The following MGAT4C variants were observed in gnomAD, a reference collection of about 807,000 sequenced individuals.
The protein encoded by MGAT4C is alpha-1,3-mannosyl-glycoprotein 4-beta-N-acetylglucosaminyltransferase C.
A neutral mutation model predicts 40.1 loss-of-function variants in MGAT4C; 19 were observed. That is an observed-to-expected ratio of 0.47 (90% CI 0.33 to 0.70). The LOEUF is 0.70. Ranked by LOEUF, MGAT4C falls within the 30% of genes least tolerant of loss-of-function variation. MGAT4C has a pLI of 0.02. For synonymous variants in MGAT4C, 181 were observed against 187.1 expected, an observed-to-expected ratio of 0.97 and a Z score of 0.27; for missense variants, 491 against 563.2, an observed-to-expected ratio of 0.87 and a Z score of 1.30.
intron 1 of MGAT4C, among the ~76,000 whole-genome samples, chr12:86,136,946 A>G (rs1430599446): frequency 2.0e-5 from 3 of 152,104 alleles, no homozygotes; most frequent in Non-Finnish European, 4.4e-5. Flanking sequence ...TCGGCCTCCC[A>G]AAGTGCTGGG....
chr12:86,022,718 A>G (rs1565873007), intron 2 of MGAT4C, among the ~76,000 whole-genome samples: 1 of 152,172 alleles, frequency 6.6e-6, no homozygotes, highest in East Asian at 1.9e-4. Flanking sequence ...CTAAAATAAA[A>G]TAAGTCCCTG....
At chr12:86,351,929 T>C (rs965645454) in intron 3 of MGAT4C, among the ~76,000 whole-genome samples, 2 of 152,034 alleles carry the variant, frequency 1.3e-5, no homozygotes, top group Non-Finnish European at 2.9e-5. Context: ...AGAGTTACAT[T>C]AGGATAGTTG....
intron 2 of MGAT4C, among the ~76,000 whole-genome samples, chr12:86,698,933 A>T (rs1950307824): frequency 6.6e-6 from 1 of 152,168 alleles, no homozygotes; most frequent in Admixed American, 6.6e-5. Flanking sequence ...ACATGCAAGG[A>T]AAAAGAGGCA....
intron 2 of MGAT4C, among the ~76,000 whole-genome samples, chr12:86,456,622 G>C (rs1766936048): frequency 6.6e-6 from 1 of 152,012 alleles, no homozygotes; most frequent in Non-Finnish European, 1.5e-5. Flanking sequence ...ACTAGAGGCA[G>C]ATTTTAATCT....
At chr12:86,061,472 TTG>T (rs1277228172) in intron 1 of MGAT4C, among the ~76,000 whole-genome samples, 37 of 59,610 alleles carry the variant, frequency 6.2e-4, no homozygotes, top group Middle Eastern at 0.025. Flanking sequence ...AGTTTTTTTT[TTG>T]TTTTTTTTTT....
At chr12:86,153,994 A>T (rs952037341) in intron 1 of MGAT4C, among the ~76,000 whole-genome samples, 3 of 152,330 alleles carry the variant, frequency 2.0e-5, no homozygotes, top group Admixed American at 6.5e-5. Flanking sequence ...CATTTCAGGG[A>T]TGTAGAACAT....
chr12:86,042,888 A>G (rs1350692192), intron 2 of MGAT4C, among the ~76,000 whole-genome samples: 2 of 146,770 alleles, frequency 1.4e-5, no homozygotes, highest in Non-Finnish European at 3.0e-5. Context: ...AAAAAAAAAA[A>G]GAATGCTGAA....
At chr12:86,510,412 C>T (rs563265472) in intron 2 of MGAT4C, among the ~76,000 whole-genome samples, 1 of 152,258 alleles carries the variant, frequency 6.6e-6, no homozygotes, top group East Asian at 1.9e-4. Context: ...ACCATCGAGG[C>T]TAGGAAGAAA....
At chr12:85,988,427 ACTCT>A (rs1359362916) in intron 3 of MGAT4C, among the ~76,000 whole-genome samples, 3 of 151,858 alleles carry the variant, frequency 2.0e-5, no homozygotes, top group Non-Finnish European at 4.4e-5. Context: ...TTTTGGAAAT[ACTCT>A]CTCTCTTGTT....
chr12:86,006,352 AT>A (rs1293354257), intron 2 of MGAT4C, among the ~76,000 whole-genome samples: 1 of 152,054 alleles, frequency 6.6e-6, no homozygotes, highest in East Asian at 1.9e-4. Context: ...TTTTTTGTTA[AT>A]TTTCATAGAA....
chr12:86,569,115 ATAGTC>A (rs1302438307), intron 2 of MGAT4C, among the ~76,000 whole-genome samples: 2 of 152,062 alleles, frequency 1.3e-5, no homozygotes, highest in Non-Finnish European at 2.9e-5. Flanking sequence ...CTTCAGGAGA[ATAGTC>A]TAGGCAAAGG....
At chr12:86,704,597 A>G (rs1950423670) in intron 2 of MGAT4C, among the ~76,000 whole-genome samples, 1 of 152,170 alleles carries the variant, frequency 6.6e-6, no homozygotes, top group African/African-American at 2.4e-5. Context: ...AAGGTCTTGA[A>G]GCACCTATTA....
intron 1 of MGAT4C, among the ~76,000 whole-genome samples, chr12:86,064,402 T>C (rs1397987038): frequency 6.6e-6 from 1 of 151,768 alleles, no homozygotes; most frequent in Non-Finnish European, 1.5e-5. Context: ...TAAAATAAAA[T>C]AAGAAACTCA....
intron 1 of MGAT4C, among the ~76,000 whole-genome samples, chr12:86,106,692 T>C (rs1333727769): frequency 2.0e-5 from 3 of 152,076 alleles, no homozygotes; most frequent in African/African-American, 4.8e-5. Flanking sequence ...ATTTTTGCCC[T>C]AATCCTTTAG....
intron 1 of MGAT4C, among the ~76,000 whole-genome samples, chr12:86,728,484 G>T (rs892609089): frequency 1.3e-5 from 2 of 152,104 alleles, no homozygotes; most frequent in African/African-American, 4.8e-5. Context: ...GGAGGTCAGC[G>T]GTTTGAGACC....
intron 1 of MGAT4C, among the ~76,000 whole-genome samples, chr12:86,824,508 T>A (rs140009194): frequency 6.6e-6 from 1 of 151,398 alleles, no homozygotes; most frequent in Non-Finnish European, 1.5e-5. Flanking sequence ...TAGGGCTTAG[T>A]GCTATCTGCA....
chr12:86,757,011 T>A (rs1198289983), intron 1 of MGAT4C, among the ~76,000 whole-genome samples: 1 of 152,182 alleles, frequency 6.6e-6, no homozygotes, highest in African/African-American at 2.4e-5. Flanking sequence ...ACTATATCTT[T>A]AAAATTCTAT....
At chr12:86,531,899 C>T (rs1958992021) in intron 2 of MGAT4C, among the ~76,000 whole-genome samples, 1 of 151,810 alleles carries the variant, frequency 6.6e-6, no homozygotes, top group Admixed American at 6.6e-5. Context: ...AGTATATTGG[C>T]ATGCTAATTA....
intron 3 of MGAT4C, among the ~76,000 whole-genome samples, chr12:86,418,445 A>C (rs1956761445): frequency 6.6e-6 from 1 of 152,038 alleles, no homozygotes; most frequent in Non-Finnish European, 1.5e-5. Flanking sequence ...TCTACCAAAA[A>C]TACAGGCATG....
Sources: allele counts gnomAD v4.1 joint callset (sites outside exome capture counted in the v4.1 genomes callset), GRCh38; gene constraint gnomAD v4.1.1; transcripts MANE v1.5; gene names NCBI Gene and HGNC (gene_info 2026-07-23, HGNC 2026-07-21).